DOCK9: variants seen among roughly 807,000 people sequenced by gnomAD.
The protein encoded by DOCK9 is dedicator of cytokinesis protein 9.
A neutral mutation model predicts 263.3 loss-of-function variants in DOCK9; 89 were observed. That is an observed-to-expected ratio of 0.34 (90% confidence interval 0.28 to 0.40). DOCK9 has a LOEUF of 0.40. Among genes scored for constraint, DOCK9 ranks in the 10% least tolerant of loss-of-function variants. The pLI, the probability that DOCK9 is intolerant of heterozygous loss-of-function variation, is 1.00. For synonymous variants in DOCK9, 976 were observed against 973.1 expected, an observed-to-expected ratio of 1.00 and a Z score of -0.06; for missense variants, 2,140 against 2,603.4, an observed-to-expected ratio of 0.82 and a Z score of 3.87.
chr13:98,880,391 G>T (rs2044547485), intron 26 of DOCK9, among the ~76,000 whole-genome samples, 156 bp downstream of exon 26: 1 of 152,022 alleles, frequency 6.6e-6, no homozygotes, highest in Non-Finnish European at 1.5e-5. Flanking sequence ...CTTCTCTCAA[G>T]ACACAATTAG....
At chr13:98,967,232 T>G (rs2059301548) in intron 1 of DOCK9, among the ~76,000 whole-genome samples, 1 of 152,260 alleles carries the variant, frequency 6.6e-6, no homozygotes. Context: ...TATCACCAGG[T>G]TATTGCCAGG....
At chr13:98,808,861 A>G (rs2091005635) in intron 47 of DOCK9, among the ~76,000 whole-genome samples, 1 of 152,250 alleles carries the variant, frequency 6.6e-6, no homozygotes, top group African/African-American at 2.4e-5. Context: ...AACTGTAAAT[A>G]TACTTGTGGA....
Position 99,015,382 on chromosome 13 carries a change from C to A in DOCK9, c.130-59831G>T, listed in dbSNP as rs1446742523. On this transcript the variant is annotated intron_variant, in intron 1 of 32. Transcript: ENST00000427887. ...ACACTTAAATAAATATATTTGTTTA[C>A]AAGTAAAGACTAGTTTATTCTAACA... The A allele has an allele frequency of 4.6e-6, 6 of 1,312,168 alleles. No homozygotes were observed. In the African/African-American group the frequency reaches 8.9e-5, roughly 20 times the overall value. The allele number at this position is 1,312,168 out of a possible 1,614,324, so 81.3% of individuals were successfully genotyped here.
chr13:98,987,302 G>T (rs28483428), intron 1 of DOCK9, among the ~76,000 whole-genome samples: 1 of 151,980 alleles, frequency 6.6e-6, no homozygotes, highest in African/African-American at 2.4e-5. Context: ...ATTTTAAAAA[G>T]AATTATACAT....
chr13:99,003,611 G>T (rs1008437357), intron 1 of DOCK9, among the ~76,000 whole-genome samples: 2 of 152,058 alleles, frequency 1.3e-5, no homozygotes, highest in African/African-American at 4.8e-5. Flanking sequence ...ACCTCAGCAG[G>T]TGGCACCCTG....
Position 99,020,565 on chromosome 13 carries a change from T to C in DOCK9, c.130-65014A>G, listed in dbSNP as rs184547068. ...TTTGAGCTCCTGCAAAGCTTAAGCATCTGCAGCTGCTGTTCCCACCTACAG... is the reference window on the plus strand; with the variant it reads ...TTTGAGCTCCTGCAAAGCTTAAGCACCTGCAGCTGCTGTTCCCACCTACAG... On this transcript the variant is annotated intron_variant, in intron 1 of 32. Transcript: ENST00000427887. Among the ~76,000 whole-genome samples, 416 of 152,320 alleles carry C rather than the reference T, an allele frequency of 2.7e-3. 2 individuals carry two copies. The highest frequency in any genetic ancestry group is 9.2e-3 in the African/African-American group (381 of 41,568).
chr13:98,811,519 T>G (rs1310029108), intron 45 of DOCK9, among the ~76,000 whole-genome samples: 2 of 152,208 alleles, frequency 1.3e-5, no homozygotes, highest in Non-Finnish European at 2.9e-5. Context: ...CTTGGCTCAC[T>G]GTAACCTCTG....
At chr13:98,802,691 TAC>T (rs2090257577) in intron 49 of DOCK9, among the ~76,000 whole-genome samples, 1 of 152,138 alleles carries the variant, frequency 6.6e-6, no homozygotes, top group South Asian at 2.1e-4. Flanking sequence ...ATTGCACAGT[TAC>T]AGTCAGCTGA....
chr13:98,955,612 G>T (rs2057964358), intron 1 of DOCK9, 61 bp from the exon 2 acceptor site: 1 of 1,157,872 alleles, frequency 8.6e-7, no homozygotes, highest in Middle Eastern at 1.9e-4. Context: ...TTAAGATAAA[G>T]AACTTAGTAT....
intron 1 of DOCK9, among the ~76,000 whole-genome samples, chr13:99,071,191 G>A: frequency 6.6e-6 from 1 of 152,036 alleles, no homozygotes; most frequent in Non-Finnish European, 1.5e-5. Flanking sequence ...TGCTCAGGCT[G>A]GAGTGCAGTG....
chr13:98,903,911 A>G (rs1273211958), intron 10 of DOCK9, among the ~76,000 whole-genome samples: 1 of 152,218 alleles, frequency 6.6e-6, no homozygotes, highest in African/African-American at 2.4e-5. Context: ...TTCCACATTT[A>G]TGAGGTTCCT....
At chr13:99,081,675 A>G (rs1322493539) in intron 1 of DOCK9, among the ~76,000 whole-genome samples, 1 of 152,344 alleles carries the variant, frequency 6.6e-6, no homozygotes, top group East Asian at 1.9e-4. Flanking sequence ...CTAGGTCATT[A>G]TGATGCCATC....
At position 99,038,288 on chromosome 13, in the gene DOCK9, C is replaced by CCGCTTTT. The variant is rs1888110933; in HGVS notation, c.129+47934_129+47935insAAAAGCG. ...GCTGAAAAACTGGCTTTATGCCCCC[C>CCGCTTTT]TTTTTTTTTTTTTTTTTTTTTTTTT... is the stretch of plus-strand genomic sequence containing the variant. On this transcript the variant is annotated intron_variant, in intron 1 of 32. Coordinates refer to the DOCK9 transcript ENST00000427887. Among the ~76,000 whole-genome samples, 9 of 86,266 alleles carry CCGCTTTT rather than the reference C, an allele frequency of 1.0e-4. 2 individuals are homozygous for CCGCTTTT. Among genetic ancestry groups the CCGCTTTT allele is most frequent in the Non-Finnish European group, 4.4e-5 (2 of 45,974 alleles). The allele number at this position is 86,266 out of a possible 152,430, so 56.6% of individuals were successfully genotyped here.
intron 1 of DOCK9, among the ~76,000 whole-genome samples, chr13:99,001,953 C>T (rs916299567): frequency 6.6e-5 from 10 of 152,284 alleles, no homozygotes; most frequent in Middle Eastern, 3.4e-3. Context: ...CTTAGCAAGA[C>T]CAAGAGTGAG....
intron 39 of DOCK9, among the ~76,000 whole-genome samples, 189 bp downstream of exon 39, chr13:98,837,305 A>G (rs1245981098): frequency 6.6e-6 from 1 of 152,204 alleles, no homozygotes; most frequent in East Asian, 1.9e-4. Context: ...ATTTTATTTC[A>G]GGGCATTCAA....
intron 1 of DOCK9, among the ~76,000 whole-genome samples, chr13:99,055,673 G>T (rs2040885615): frequency 6.6e-6 from 1 of 151,962 alleles, no homozygotes; most frequent in Non-Finnish European, 1.5e-5. Context: ...TGATAATATT[G>T]ACTACATTGA....
intron 1 of DOCK9, among the ~76,000 whole-genome samples, chr13:99,032,599 C>T (rs1258717583): frequency 1.3e-5 from 2 of 151,592 alleles, no homozygotes; most frequent in African/African-American, 4.8e-5. Context: ...AGGGGAAGTA[C>T]TATAAATTTA....
rs748618364 is a variant in DOCK9, at chr13:98,888,373, T to C, written c.1964A>G (p.Lys655Arg). ...CTTCACACTCACCTTGGCAAAAGAC[T>C]TCTGACTGTCGTATTTCAAGTACTT... ...YPKYLKYDSQ[K>R]SFAKARNIAI... Residue 655 changes from lysine (K) to arginine (R), a missense_variant, in exon 17 of 53, where the codon AAG (lysine) becomes AGG (arginine). Physicochemically the swap from Lys to Arg is conservative, Grantham distance 26. Transcript: ENST00000682017. 3.1e-6 allele frequency: 5 copies of C among 1,613,138 alleles called. No individual in the cohort carries two copies. The African/African-American group carries it at 5.3e-5, about 17-fold the overall frequency.
chr13:98,907,956 G>A (rs2049377409), intron 9 of DOCK9, among the ~76,000 whole-genome samples: 1 of 152,072 alleles, frequency 6.6e-6, no homozygotes, highest in South Asian at 2.1e-4. Flanking sequence ...AACCTTAGGA[G>A]GCAGGTACTA....
Sources: gnomAD v4.1 joint callset for allele counts (sites outside exome capture counted in the v4.1 genomes callset) on GRCh38, gnomAD v4.1.1 for gene constraint, MANE v1.5 for transcripts, NCBI Gene and HGNC (gene_info 2026-07-23, HGNC 2026-07-21) for gene names.